PHKA1: variants seen among roughly 807,000 people sequenced by gnomAD.
PHKA1 encodes phosphorylase b kinase regulatory subunit alpha, skeletal muscle isoform.
In PHKA1, 60 loss-of-function variants were observed where a neutral mutation model predicts 110.2. The ratio of observed to expected loss-of-function variants is 0.54; its 90% CI spans 0.44 to 0.68. The LOEUF is 0.68. Ranked by LOEUF, PHKA1 falls within the 30% of genes least tolerant of loss-of-function variation. The probability of loss-of-function intolerance (pLI) is 0.00; values close to 1 mark genes in which losing one functional copy is unlikely to be tolerated. For synonymous variants in PHKA1, 316 were observed against 333.6 expected (o/e 0.95, Z 0.58); for missense variants, 801 against 942.5 (o/e 0.85, Z 1.97).
intron 28 of PHKA1, among the ~76,000 whole-genome samples, chrX:72,598,760 G>A (rs2052622254): frequency 8.9e-6 from 1 of 111,788 alleles, no homozygotes; most frequent in African/African-American, 3.2e-5. Context: ...TGGGCAAAGT[G>A]GTTAACAGTT....
chrX:72,603,356 T>C, intron 25 of PHKA1, 136 bp from the exon 26 acceptor site: 1 of 483,992 alleles, frequency 2.1e-6, no homozygotes, highest in South Asian at 2.9e-5. Flanking sequence ...AATAAATTGA[T>C]AGCACCCTAC....
chrX:72,701,019 A>G (rs2054197931), intron 3 of PHKA1, among the ~76,000 whole-genome samples: 1 of 112,411 alleles, frequency 8.9e-6, no homozygotes, highest in Non-Finnish European at 1.9e-5. Context: ...GAGCATATTT[A>G]TTTCTCTCTA....
intron 29 of PHKA1, among the ~76,000 whole-genome samples, chrX:72,592,163 A>T (rs2052530432): frequency 8.9e-6 from 1 of 112,589 alleles, no homozygotes; most frequent in African/African-American, 3.2e-5. Context: ...AACTGAAGAG[A>T]TAAAATAATA....
rs12689088 is a variant in PHKA1 at position 72,619,031 on chromosome X, A to G, written c.2230-182T>C. On this transcript the variant is annotated intron_variant, in intron 20 of 31. Transcript: ENST00000373542. ...TATAATACAGCAATCTAGTTTTCCC[A>G]AAGTCTGACCAGACAAACTTGCCCA... Among the ~76,000 whole-genome samples, 14,975 of 111,739 alleles carry G rather than the reference A, an allele frequency of 0.13. 1,680 individuals are homozygous for G. The highest frequency in any genetic ancestry group is 0.67 in the East Asian group (2,366 of 3,527).
intron 6 of PHKA1, among the ~76,000 whole-genome samples, chrX:72,671,332 C>T (rs1476262199): frequency 9.0e-6 from 1 of 110,800 alleles, no homozygotes; most frequent in African/African-American, 3.3e-5. Flanking sequence ...AACTCCCATT[C>T]ACAATTGCTT....
At chrX:72,659,128 C>T (rs1477589418) in intron 8 of PHKA1, among the ~76,000 whole-genome samples, 2 of 111,376 alleles carry the variant, frequency 1.8e-5, no homozygotes, top group African/African-American at 6.5e-5. Flanking sequence ...ATTCATTTTT[C>T]AGTTATTTAT....
At position 72,605,389 on chromosome X, in the gene PHKA1, T is replaced by C; in HGVS notation, c.2697A>G (p.Val899=). ...GGGTTCGCATATACATGGCTAGATA[T>C]ACCATTATTTCCTGCACACAGAGTA... ...SISILTQEIM[V]YLAMYMRTQP... is the part of the protein sequence containing the mutation. Residue 899 remains valine (V), a synonymous_variant, in exon 25 of 32, where the codon GTA becomes GTG. Transcript: ENST00000373542. 2 of 1,208,678 alleles carry C rather than the reference T, an allele frequency of 1.7e-6. No homozygotes were observed. Among genetic ancestry groups the C allele is most frequent in the Non-Finnish European group, 2.2e-6 (2 of 892,733 alleles).
intron 21 of PHKA1, among the ~76,000 whole-genome samples, chrX:72,612,627 T>C (rs2052829538): frequency 8.9e-6 from 1 of 111,750 alleles, no homozygotes; most frequent in South Asian, 3.8e-4. Context: ...AAGTAAATTA[T>C]GATATATTCA....
intron 4 of PHKA1, among the ~76,000 whole-genome samples, chrX:72,688,198 C>A (rs1425996000): frequency 2.7e-5 from 3 of 111,739 alleles, no homozygotes; most frequent in African/African-American, 9.8e-5. Flanking sequence ...TTAAAAAGAA[C>A]TATATGATTG....
intron 5 of PHKA1, among the ~76,000 whole-genome samples, chrX:72,679,945 A>G (rs1217835528): frequency 9.0e-6 from 1 of 111,512 alleles, no homozygotes; most frequent in Non-Finnish European, 1.9e-5. Flanking sequence ...CCTAAATAGA[A>G]GAAACGTGAA....
chrX:72,588,339 T>C (rs1467655519), intron 29 of PHKA1, among the ~76,000 whole-genome samples: 3 of 111,938 alleles, frequency 2.7e-5, no homozygotes, highest in South Asian at 7.4e-4. Flanking sequence ...ACTGGGTACA[T>C]AACGAAATGA....
chrX:72,637,302 T>G (rs781921911), intron 14 of PHKA1, among the ~76,000 whole-genome samples: 1 of 112,388 alleles, frequency 8.9e-6, no homozygotes, highest in Admixed American at 9.4e-5. Context: ...AATAATACAA[T>G]ATCTTTCCTT....
chrX:72,604,768 T>A (rs898843718), intron 25 of PHKA1, among the ~76,000 whole-genome samples: 11 of 111,808 alleles, frequency 9.8e-5, no homozygotes, highest in Non-Finnish European at 1.7e-4. Flanking sequence ...TTCTTCTAAC[T>A]AAAACTTTTA....
intron 8 of PHKA1, among the ~76,000 whole-genome samples, chrX:72,661,779 C>T (rs928874130): frequency 1.9e-5 from 2 of 104,922 alleles, no homozygotes; most frequent in Non-Finnish European, 3.9e-5. Context: ...ACATAGAGCA[C>T]GATGGCTGAC....
chrX:72,686,019 A>C (rs1556318732), intron 4 of PHKA1, among the ~76,000 whole-genome samples: 2 of 112,023 alleles, frequency 1.8e-5, no homozygotes, highest in South Asian at 3.8e-4. Flanking sequence ...AATTAGATCT[A>C]GATGAAAAAA....
rs1389333933 is a variant in PHKA1, at chrX:72,680,749, C to T, written c.537+3749G>A. Reference sequence around the variant, plus strand: ...AGCCGCTGCCGCGACCGACCGCAGCCGCCGCCGCCCGACCGCCGGGAGGAT... The same window carrying T: ...AGCCGCTGCCGCGACCGACCGCAGCTGCCGCCGCCCGACCGCCGGGAGGAT... On this transcript the variant is annotated intron_variant, in intron 5 of 31. Transcript: ENST00000373542. 7.4e-5 allele frequency among the ~76,000 whole-genome samples: 7 copies of T among 94,332 alleles called. 1 individual carries two copies. The highest frequency in any genetic ancestry group is 2.3e-4 in the Admixed American group (2 of 8,844). The allele number at this position is 94,332 out of a possible 115,157, so 81.9% of individuals were successfully genotyped here. A position where few individuals can be genotyped will look rare whatever the true frequency, so the allele number is the denominator to read the frequency against.
At chrX:72,630,085 T>TA (rs1368915186) in intron 16 of PHKA1, among the ~76,000 whole-genome samples, 9 of 110,559 alleles carry the variant, frequency 8.1e-5, no homozygotes, top group African/African-American at 2.0e-4. Flanking sequence ...CCGTCTCTAC[T>TA]AAAAAAAATA....
At chrX:72,609,512 T>C in intron 23 of PHKA1, 112 bp downstream of exon 23, 1 of 579,399 alleles carries the variant, frequency 1.7e-6, no homozygotes, top group Non-Finnish European at 3.1e-6. Context: ...GTGTCTCTGA[T>C]AGAGGTGAAC....
At chrX:72,602,976 GA>G (rs1246490828) in intron 26 of PHKA1, 142 bp downstream of exon 26, 2 of 483,066 alleles carry the variant, frequency 4.1e-6, no homozygotes, top group African/African-American at 4.8e-5. Context: ...TCTTGTTCCA[GA>G]AGACAGCTTG....
Sources: gnomAD v4.1 joint callset for allele counts (sites outside exome capture counted in the v4.1 genomes callset) on GRCh38, gnomAD v4.1.1 for gene constraint, MANE v1.5 for transcripts, NCBI Gene and HGNC (gene_info 2026-07-23, HGNC 2026-07-21) for gene names.